The following CLYBL variants were observed in gnomAD, a reference collection of about 807,000 sequenced individuals.
The protein encoded by CLYBL is citramalyl-CoA lyase, mitochondrial.
Under a neutral mutation model 38.9 loss-of-function variants are expected in CLYBL, and 31 were observed. The observed-to-expected ratio is 0.80, with a 90% CI of 0.60 to 1.08. CLYBL has a LOEUF of 1.08. Ranked by LOEUF, CLYBL falls within the 50% of genes least tolerant of loss-of-function variation. The pLI, the probability that CLYBL is intolerant of heterozygous loss-of-function variation, is 0.00. For missense variants in CLYBL, 434 were observed against 411.6 expected, an observed-to-expected ratio of 1.05 and a Z score of -0.47; for synonymous variants, 171 against 158.6, an observed-to-expected ratio of 1.08 and a Z score of -0.59.
chr13:99,642,742 C>T lies in CLYBL; in HGVS notation c.62+35985C>T, dbSNP rs566412796. Reference sequence around the variant, plus strand: ...CTCTCCTTCCTGCCTGCCTGCTTCCCTCCCTCCCTCCCTTCCTCCGTTGCT... The same window carrying T: ...CTCTCCTTCCTGCCTGCCTGCTTCCTTCCCTCCCTCCCTTCCTCCGTTGCT... On this transcript the variant is annotated intron_variant, in intron 1 of 8. Transcript: ENST00000339105. Among the ~76,000 whole-genome samples, 218 of 151,412 alleles carry T rather than the reference C, an allele frequency of 1.4e-3. 2 individuals are homozygous for T. The highest frequency in any genetic ancestry group is 4.9e-3 in the African/African-American group (204 of 41,276).
intron 1 of CLYBL, among the ~76,000 whole-genome samples, chr13:99,709,565 T>G (rs1179666039): frequency 6.6e-6 from 1 of 152,220 alleles, no homozygotes. Context: ...GAAGAGGTGC[T>G]CCAGAAGTTC....
intron 2 of CLYBL, among the ~76,000 whole-genome samples, chr13:99,803,443 A>G (rs952086423): frequency 7.2e-5 from 11 of 152,260 alleles, no homozygotes; most frequent in African/African-American, 2.7e-4. Context: ...TAATTAAGCC[A>G]GTCTGAATTT....
At chr13:99,790,725 C>A (rs2049897548) in intron 2 of CLYBL, among the ~76,000 whole-genome samples, 1 of 152,176 alleles carries the variant, frequency 6.6e-6, no homozygotes, top group Non-Finnish European at 1.5e-5. Context: ...CTCCCTGAAC[C>A]ATCCAGTCCC....
intron 1 of CLYBL, among the ~76,000 whole-genome samples, chr13:99,734,431 T>C (rs989990119): frequency 1.3e-5 from 2 of 150,136 alleles, no homozygotes; most frequent in Non-Finnish European, 3.0e-5. Context: ...CGGAGGAGAA[T>C]GTAACGTTGG....
chr13:99,903,521 T>C (rs930852666), intron 8 of CLYBL, among the ~76,000 whole-genome samples: 5 of 152,244 alleles, frequency 3.3e-5, no homozygotes, highest in Non-Finnish European at 5.9e-5. Context: ...ACATTTCTTT[T>C]TGATCCTTTC....
chr13:99,654,757 A>G (rs867947820), intron 1 of CLYBL, among the ~76,000 whole-genome samples: 17 of 152,236 alleles, frequency 1.1e-4, no homozygotes, highest in South Asian at 4.2e-4. Flanking sequence ...TGTAATCCCA[A>G]CACTCTGGGA....
At chr13:99,864,745 T>C in intron 4 of CLYBL, 73 bp from the exon 5 acceptor site, 1 of 1,011,194 alleles carries the variant, frequency 9.9e-7, no homozygotes, top group East Asian at 2.4e-5. Flanking sequence ...GTCCTGTTAC[T>C]GAAATGCACC....
chr13:99,767,162 CG>C (rs2049285073), intron 1 of CLYBL, among the ~76,000 whole-genome samples: 3 of 152,120 alleles, frequency 2.0e-5, no homozygotes, highest in Non-Finnish European at 4.4e-5. Flanking sequence ...GCCTGGTGAT[CG>C]GCATAATGTG....
chr13:99,726,491 T>C (rs981433773), intron 1 of CLYBL: 2 of 152,176 alleles, frequency 1.3e-5, no homozygotes, highest in African/African-American at 4.8e-5. Context: ...AATTGTGTGA[T>C]TGATAGATTT....
intron 7 of CLYBL, 97 bp downstream of exon 7, chr13:99,871,159 A>G (rs2051884020): frequency 7.2e-7 from 1 of 1,387,474 alleles, no homozygotes; most frequent in East Asian, 2.3e-5. Context: ...AAGAAAACTC[A>G]TCGTATCTGG....
intron 8 of CLYBL, among the ~76,000 whole-genome samples, chr13:99,904,584 C>T (rs1322505326): frequency 3.9e-5 from 6 of 152,170 alleles, no homozygotes; most frequent in Non-Finnish European, 7.3e-5. Flanking sequence ...ATCAGCCACA[C>T]GTGTATGGAT....
chr13:99,774,067 CAA>C (rs11453486), intron 2 of CLYBL, among the ~76,000 whole-genome samples: 48 of 143,334 alleles, frequency 3.3e-4, no homozygotes, highest in South Asian at 1.1e-3. Flanking sequence ...CCATTTCTAC[CAA>C]AAAAAAAAAA....
chr13:99,808,764 G>A (rs2050281893), intron 2 of CLYBL, among the ~76,000 whole-genome samples: 1 of 152,186 alleles, frequency 6.6e-6, no homozygotes, highest in Non-Finnish European at 1.5e-5. Flanking sequence ...TTTTGAATTG[G>A]TAATTTTAAT....
intron 7 of CLYBL, among the ~76,000 whole-genome samples, chr13:99,890,433 A>T (rs1421510782): frequency 2.6e-5 from 4 of 151,972 alleles, no homozygotes; most frequent in Non-Finnish European, 4.4e-5. Flanking sequence ...CATTCAACAG[A>T]TCTATGATTC....
Position 99,825,447 on chromosome 13 carries a change from A to T in CLYBL, c.250-33414A>T, listed in dbSNP as rs190873388. 2.4e-4 allele frequency among the ~76,000 whole-genome samples: 36 copies of T among 152,348 alleles called. No individual in the cohort carries two copies. The East Asian group carries it at 6.8e-3, about 29-fold the overall frequency. ...TTATTAGCTGACCTTAGAGATAAGAATCAAAATGACACACTTTTGTTCCAG... is the reference window on the plus strand; with the variant it reads ...TTATTAGCTGACCTTAGAGATAAGATTCAAAATGACACACTTTTGTTCCAG... On this transcript the variant is annotated intron_variant, in intron 2 of 8. Transcript: ENST00000339105.
chr13:99,779,509 T>C (rs2049594908), intron 2 of CLYBL, among the ~76,000 whole-genome samples: 1 of 152,194 alleles, frequency 6.6e-6, no homozygotes, highest in Non-Finnish European at 1.5e-5. Context: ...AAAGAGTGCT[T>C]CCCAAAGTCT....
chr13:99,647,491 T>C (rs1053964493), intron 1 of CLYBL, among the ~76,000 whole-genome samples: 10 of 151,740 alleles, frequency 6.6e-5, no homozygotes, highest in African/African-American at 2.2e-4. Context: ...CCTATTTTTC[T>C]TGAGGTTTAT....
At chr13:99,793,643 T>G (rs928414788) in intron 2 of CLYBL, among the ~76,000 whole-genome samples, 1 of 152,196 alleles carries the variant, frequency 6.6e-6, no homozygotes. Flanking sequence ...GGCATCCTCT[T>G]AATGCAAGGA....
rs567481486 is a variant in CLYBL, at chr13:99,610,350, C to G, written c.62+3593C>G. Among the ~76,000 whole-genome samples the G allele has an allele frequency of 5.3e-5, 8 of 152,234 alleles. No individual in the cohort carries two copies. In the East Asian group the frequency reaches 1.5e-3, roughly 29 times the overall value. ...GTGTGTATAGGTCATACTTTCTTTT[C>G]GTTGCATGTCTTGTATATTTTTTTG... On this transcript the variant is annotated intron_variant, in intron 1 of 8. Coordinates refer to ENST00000339105, the MANE Select transcript of CLYBL (RefSeq NM_206808.5).
Sources: allele counts gnomAD v4.1 joint callset (sites outside exome capture counted in the v4.1 genomes callset), GRCh38; gene constraint gnomAD v4.1.1; transcripts MANE v1.5; gene names NCBI Gene and HGNC (gene_info 2026-07-23, HGNC 2026-07-21).